Variants in ZNF343 observed in about 807,000 individuals in gnomAD.
ZNF343 encodes the protein zinc finger protein 343.
ZNF343 carries 11 observed loss-of-function variants against 13.8 expected under a neutral mutation model. That is an observed-to-expected ratio of 0.80 (90% confidence interval 0.50 to 1.32). The LOEUF is 1.32. Ranked by LOEUF, ZNF343 falls within the 40% of genes most tolerant of loss-of-function variation. The pLI is 0.00. For synonymous variants in ZNF343, 248 were observed against 260.0 expected, an observed-to-expected ratio of 0.95 and a Z score of 0.44; for missense variants, 658 against 714.2, an observed-to-expected ratio of 0.92 and a Z score of 0.90.
intron 4 of ZNF343, chr20:2,493,026 C>T (rs1392354943): frequency 6.4e-6 from 4 of 623,650 alleles, no homozygotes; most frequent in Non-Finnish European, 1.1e-5. Context: ...TAACTGAGCA[C>T]AGAACACATT....
rs759135040 is a variant in ZNF343 at position 2,483,265 on chromosome 20, C to T, written c.1696G>A (p.Val566Ile). ...RGFSRKSLLL[V>I]HQRTHSGEKH... ...TCCCCTGAGTGTGTCCTCTGGTGGACAAGGAGGAGTGATTTCCGGCTAAAG... is the reference window on the plus strand; with the variant it reads ...TCCCCTGAGTGTGTCCTCTGGTGGATAAGGAGGAGTGATTTCCGGCTAAAG... The change falls in exon 6 of 6, where the codon GTC (valine) becomes ATC (isoleucine). Residue 566 changes from valine to isoleucine, a missense_variant. Coordinates refer to ENST00000278772, the MANE Select transcript of ZNF343 (RefSeq NM_024325.6). The T allele has an allele frequency of 4.4e-6, 7 of 1,590,692 alleles. No homozygotes were observed. Among genetic ancestry groups the T allele is most frequent in the Non-Finnish European group, 6.0e-6 (7 of 1,168,392 alleles).
intron 4 of ZNF343, chr20:2,493,178 AG>A: frequency 2.0e-6 from 1 of 491,894 alleles, no homozygotes; most frequent in Admixed American, 3.8e-5. Flanking sequence ...GGGCTGCAGA[AG>A]GAACAAAAGC....
rs531737507 is a variant in ZNF343, at chr20:2,496,114, A to G, written c.-149-2070T>C. ...AAAAAAAATATATACCTCAGAAAAG[A>G]CACAAGATATCAGACGGAGATAAGT... On this transcript the variant is annotated intron_variant, in intron 2 of 5. Transcript: ENST00000278772. Among the ~76,000 whole-genome samples the G allele has an allele frequency of 5.3e-5, 8 of 152,340 alleles. No homozygotes were observed. In the South Asian group the frequency reaches 1.7e-3, roughly 32 times the overall value.
chr20:2,484,595 C>T lies in ZNF343; in HGVS notation c.366G>A (p.Gln122=). ...TCTGAAGTACATGTTGACTGAGGAA[C>T]TGCTGACAGGAGAAGGCCAGAAGGC... ...SSCLLAFSCQ[Q]FLSQHVLQIF... is the part of the protein sequence containing the mutation. Residue 122 remains glutamine, a synonymous_variant, in exon 6 of 6, where the codon CAG becomes CAA. Transcript: ENST00000278772. 1 of 1,613,696 alleles carries T rather than the reference C, an allele frequency of 6.2e-7. No individual in the cohort carries two copies. Among genetic ancestry groups the T allele is most frequent in the Non-Finnish European group, 8.5e-7 (1 of 1,179,782 alleles).
chr20:2,504,100 T>C (rs541314566), intron 1 of ZNF343, among the ~76,000 whole-genome samples: 4 of 152,140 alleles, frequency 2.6e-5, no homozygotes, highest in Admixed American at 6.5e-5. Context: ...AAGAATCAAA[T>C]AGACGCAATA....
intron 5 of ZNF343, among the ~76,000 whole-genome samples, chr20:2,486,379 C>T (rs895089637): frequency 6.6e-6 from 1 of 152,074 alleles, no homozygotes; most frequent in Non-Finnish European, 1.5e-5. Context: ...TCTATCATGC[C>T]CCTTTGCTAT....
At chr20:2,506,781 C>T (rs1316014585) in intron 1 of ZNF343, among the ~76,000 whole-genome samples, 1 of 151,914 alleles carries the variant, frequency 6.6e-6, no homozygotes, top group Non-Finnish European at 1.5e-5. Context: ...AACATCACAC[C>T]CCGGGGCCTG....
At chr20:2,521,495 A>G (rs1028846882) in intron 1 of ZNF343, among the ~76,000 whole-genome samples, 10 of 152,304 alleles carry the variant, frequency 6.6e-5, no homozygotes, top group East Asian at 1.9e-4. Context: ...TGGAGGGAGA[A>G]GTAGGGCCCT....
At chr20:2,503,586 G>C (rs2085606480) in intron 1 of ZNF343, among the ~76,000 whole-genome samples, 1 of 152,056 alleles carries the variant, frequency 6.6e-6, no homozygotes, top group South Asian at 2.1e-4. Flanking sequence ...AAATGTAAAA[G>C]AACAGAAATT....
At chr20:2,490,804 T>C (rs2085355685) in intron 5 of ZNF343, among the ~76,000 whole-genome samples, 1 of 152,188 alleles carries the variant, frequency 6.6e-6, no homozygotes, top group Admixed American at 6.5e-5. Flanking sequence ...CAAAACCTAG[T>C]TGGACTAACC....
chr20:2,523,536 A>T (rs2085791472), intron 1 of ZNF343, among the ~76,000 whole-genome samples: 1 of 152,050 alleles, frequency 6.6e-6, no homozygotes. Context: ...ATCCATATGG[A>T]AATATTCACA....
chr20:2,511,262 C>T (rs892221089), upstream of ZNF343, among the ~76,000 whole-genome samples: 16 of 152,068 alleles, frequency 1.1e-4, no homozygotes, highest in African/African-American at 3.9e-4. Flanking sequence ...GCACATGCCA[C>T]CACACCTGGC....
intron 5 of ZNF343, among the ~76,000 whole-genome samples, chr20:2,490,080 AAG>A (rs763367513): frequency 6.3e-4 from 96 of 152,272 alleles, no homozygotes; most frequent in South Asian, 3.5e-3. Context: ...AGAGGAAAGA[AAG>A]AGAGAGACTG....
intron 1 of ZNF343, among the ~76,000 whole-genome samples, chr20:2,515,517 A>G (rs977651175): frequency 1.3e-5 from 2 of 152,276 alleles, no homozygotes; most frequent in Admixed American, 6.5e-5. Context: ...AAAGTACTCC[A>G]ACTCTAACTT....
intron 5 of ZNF343, among the ~76,000 whole-genome samples, chr20:2,485,452 G>C (rs1261702890): frequency 6.6e-6 from 1 of 152,198 alleles, no homozygotes; most frequent in Non-Finnish European, 1.5e-5. Context: ...CTTGGCCCCA[G>C]ACCCTACTGG....
chr20:2,483,179 T>C lies in ZNF343; in HGVS notation c.1782A>G (p.Arg594=). Residue 594 remains arginine, a synonymous_variant, in exon 6 of 6, where the codon AGA becomes AGG. Coordinates refer to ENST00000278772, the MANE Select transcript of ZNF343 (RefSeq NM_024325.6). The part of the protein sequence containing the change: ...RGFSHKSNLI[R]HQRTH ...TCTCCCGTCAGTGTGTCCTCTGGTG[T>C]CTGATGAGATTTGACTTATGACTAA... The C allele has an allele frequency of 6.2e-7, 1 of 1,609,854 alleles. No individual in the cohort carries two copies. The highest frequency in any genetic ancestry group is 8.5e-7 in the Non-Finnish European group (1 of 1,177,624).
chr20:2,515,034 G>C (rs1443869584), intron 1 of ZNF343, among the ~76,000 whole-genome samples: 1 of 149,524 alleles, frequency 6.7e-6, no homozygotes, highest in Non-Finnish European at 1.5e-5. Context: ...GAAGAAAGAA[G>C]AAGGAAGGAA....
At position 2,484,135 on chromosome 20, in the gene ZNF343, G is replaced by A. The variant is rs369909299; in HGVS notation, c.826C>T (p.Arg276Ter). Residue 276 changes from arginine to a stop codon, truncating the protein, a stop_gained, in exon 6 of 6, where the codon CGA becomes TGA. Coordinates refer to ENST00000278772, the MANE Select transcript of ZNF343 (RefSeq NM_024325.6). LOFTEE classifies it low-confidence loss of function (END_TRUNC). ...AGGGTTGATCTATCTTTAAAGCTTC[G>A]CCCACAATCACTGCAAATGTAGGGC... Reference protein sequence around the residue: ...KKPYICSDCGRSFKDRSTLIR... With the variant: ...KKPYICSDCG 30 of 1,614,042 alleles carry A rather than the reference G, an allele frequency of 1.9e-5. No homozygotes were observed. The highest frequency in any genetic ancestry group is 4.0e-5 in the African/African-American group (3 of 74,898).
chr20:2,501,267 A>G (rs6114615), intron 1 of ZNF343, among the ~76,000 whole-genome samples: 65,261 of 151,576 alleles, frequency 0.43, 14,227 homozygotes, highest in Non-Finnish European at 0.46. Flanking sequence ...GGGGAGGGGC[A>G]CCCACCATTG....
Sources: gnomAD v4.1 joint callset for allele counts (sites outside exome capture counted in the v4.1 genomes callset) on GRCh38, gnomAD v4.1.1 for gene constraint, MANE v1.5 for transcripts, NCBI Gene and HGNC (gene_info 2026-07-23, HGNC 2026-07-21) for gene names.